ABCA13: variants seen among roughly 807,000 people sequenced by gnomAD.
ABCA13 encodes the protein ATP-binding cassette sub-family A member 13.
A neutral mutation model predicts 478.7 loss-of-function variants in ABCA13; 476 were observed. That is an observed-to-expected ratio of 0.99 (90% CI 0.92 to 1.07). The LOEUF is 1.07. ABCA13 is among the 50% of genes least tolerant of loss of function. The probability of loss-of-function intolerance (pLI) is 0.00; values close to 1 mark genes in which losing one functional copy is unlikely to be tolerated. For synonymous variants in ABCA13, 2,252 were observed against 2,158.9 expected (o/e 1.04, Z -1.20); for missense variants, 6,060 against 5,910.6 (o/e 1.03, Z -0.83).
At chr7:48,443,460 C>T (rs1157273491) in intron 42 of ABCA13, among the ~76,000 whole-genome samples, 1 of 152,226 alleles carries the variant, frequency 6.6e-6, no homozygotes, top group African/African-American at 2.4e-5. Flanking sequence ...TACACCATCC[C>T]TCCTCTGGAA....
intron 47 of ABCA13, among the ~76,000 whole-genome samples, chr7:48,484,441 C>T (rs1222698275): frequency 1.3e-5 from 2 of 152,312 alleles, no homozygotes; most frequent in Admixed American, 6.5e-5. Flanking sequence ...TATTGGAATA[C>T]ATTATGTGGC....
chr7:48,558,176 TTCCTC>T (rs1786055445), intron 55 of ABCA13, among the ~76,000 whole-genome samples: 4 of 73,854 alleles, frequency 5.4e-5, no homozygotes, highest in African/African-American at 2.4e-4. Flanking sequence ...CCTCCCTCCC[TTCCTC>T]CCTTCCTTCC....
At chr7:48,445,339 A>C (rs1824156563) in intron 42 of ABCA13, among the ~76,000 whole-genome samples, 1 of 152,140 alleles carries the variant, frequency 6.6e-6, no homozygotes, top group African/African-American at 2.4e-5. Flanking sequence ...GTATTTGATC[A>C]CATTATTCTC....
chr7:48,461,003 A>T (rs1322650106), intron 43 of ABCA13, among the ~76,000 whole-genome samples: 2 of 152,232 alleles, frequency 1.3e-5, no homozygotes, highest in African/African-American at 4.8e-5. Flanking sequence ...TGTATGTGGC[A>T]TCTTTATCAC....
At chr7:48,244,544 A>T (rs1379532644) in intron 10 of ABCA13, 32 bp from the exon 11 acceptor site, 2 of 1,597,932 alleles carry the variant, frequency 1.3e-6, no homozygotes, top group Admixed American at 1.7e-5. Context: ...ACTACTTTTC[A>T]TTTTATTTCA....
chr7:48,190,203 T>G lies in ABCA13; in HGVS notation c.70-2756T>G, dbSNP rs1796908562. Among the ~76,000 whole-genome samples the G allele has an allele frequency of 1.3e-5, 2 of 152,262 alleles. 1 individual carries two copies. The highest frequency in any genetic ancestry group is 4.1e-4 in the South Asian group (2 of 4,824). ...ATCCACATTAAAAATCATATACACT[T>G]CAGTGCAGTAATCCCATTTGGCAAT... On this transcript the variant is annotated intron_variant, in intron 1 of 61. Coordinates refer to ENST00000435803, the MANE Select transcript of ABCA13 (RefSeq NM_152701.5).
intron 29 of ABCA13, among the ~76,000 whole-genome samples, chr7:48,342,230 A>T (rs867364366): frequency 3.3e-5 from 5 of 152,034 alleles, no homozygotes; most frequent in Middle Eastern, 3.4e-3. Context: ...ATTTATGGAG[A>T]CTCACTCAAT....
intron 59 of ABCA13, among the ~76,000 whole-genome samples, chr7:48,633,913 T>C (rs1221216858): frequency 7.2e-6 from 1 of 137,936 alleles, no homozygotes; most frequent in African/African-American, 2.8e-5. Flanking sequence ...GGTAGATAGA[T>C]ACATAGATAG....
In ABCA13 at chr7:48,506,409, G is replaced by A; in HGVS notation, c.13346+19G>A. Reference sequence around the variant, plus strand: ...ACAAGATGTGAGTTGATGGAATGCTGAGGGGTGTGTGACCCTGACTATGGA... The same window carrying A: ...ACAAGATGTGAGTTGATGGAATGCTAAGGGGTGTGTGACCCTGACTATGGA... On this transcript the variant is annotated intron_variant, in intron 49 of 61. Transcript: ENST00000435803. 2 of 1,612,938 alleles carry A rather than the reference G, an allele frequency of 1.2e-6. No homozygotes were observed. The highest frequency in any genetic ancestry group is 2.2e-5 in the East Asian group (1 of 44,838).
chr7:48,505,424 C>T (rs770099763), intron 48 of ABCA13, among the ~76,000 whole-genome samples: 25 of 151,766 alleles, frequency 1.6e-4, no homozygotes, highest in South Asian at 4.2e-4. Context: ...AAGATAATAC[C>T]GATAAGATGA....
At chr7:48,425,449 A>T (rs547172859) in intron 41 of ABCA13, among the ~76,000 whole-genome samples, 2 of 152,350 alleles carry the variant, frequency 1.3e-5, no homozygotes, top group South Asian at 4.1e-4. Context: ...GATTTTCACT[A>T]TTTCTATTGT....
At chr7:48,171,857 G>A (rs1052872397) in intron 1 of ABCA13, among the ~76,000 whole-genome samples, 2 of 152,174 alleles carry the variant, frequency 1.3e-5, no homozygotes, top group African/African-American at 4.8e-5. Context: ...CTAAGCATTC[G>A]TTGTAAAAAC....
chr7:48,418,944 T>C (rs1276308962), intron 41 of ABCA13, among the ~76,000 whole-genome samples: 19 of 152,174 alleles, frequency 1.2e-4, no homozygotes, highest in Non-Finnish European at 2.4e-4. Flanking sequence ...TGGCTCAAGG[T>C]TCTGCAGGCT....
At position 48,403,765 on chromosome 7, in the gene ABCA13, C is replaced by CT; in HGVS notation, c.11958dup (p.Gly3987TrpfsTer15). The CT allele has an allele frequency of 6.2e-7, 1 of 1,614,004 alleles. No individual in the cohort carries two copies. The highest frequency in any genetic ancestry group is 1.7e-5 in the Admixed American group (1 of 60,024). On this transcript the variant is annotated frameshift_variant, in exon 39 of 62. Transcript: ENST00000435803. LOFTEE classifies it high-confidence loss of function. ...TGGAGGCCTGAAGAGGAAGCTCTCCCTTGGCATTGCTTTCATGGGCATGTC... is the reference window on the plus strand; with the variant it reads ...TGGAGGCCTGAAGAGGAAGCTCTCCCTTTGGCATTGCTTTCATGGGCATGTC...
At chr7:48,395,704 T>G (rs967682454) in intron 38 of ABCA13, among the ~76,000 whole-genome samples, 2 of 152,206 alleles carry the variant, frequency 1.3e-5, no homozygotes, top group Non-Finnish European at 2.9e-5. Flanking sequence ...TAAATATAGT[T>G]TCTCTTCTTT....
At chr7:48,529,948 A>G (rs1223974163) in intron 55 of ABCA13, among the ~76,000 whole-genome samples, 1 of 152,078 alleles carries the variant, frequency 6.6e-6, no homozygotes, top group Non-Finnish European at 1.5e-5. Flanking sequence ...TTTTTGGGGA[A>G]CAGGTGGTGT....
intron 27 of ABCA13, among the ~76,000 whole-genome samples, chr7:48,329,468 G>A (rs1361162006): frequency 6.6e-6 from 1 of 152,174 alleles, no homozygotes; most frequent in Non-Finnish European, 1.5e-5. Context: ...TAAATGCCCT[G>A]TCTAGCCATG....
At chr7:48,502,814 G>C (rs1563361160) in intron 48 of ABCA13, among the ~76,000 whole-genome samples, 1 of 152,122 alleles carries the variant, frequency 6.6e-6, no homozygotes. Context: ...GTCCTAAATA[G>C]CATACAGCAC....
chr7:48,506,425 T>C (rs1831215091), intron 49 of ABCA13, 35 bp downstream of exon 49: 1 of 1,606,608 alleles, frequency 6.2e-7, no homozygotes, highest in Middle Eastern at 1.7e-4. Flanking sequence ...TGTGTGACCC[T>C]GACTATGGAA....
Sources: gnomAD v4.1 joint callset for allele counts (sites outside exome capture counted in the v4.1 genomes callset) on GRCh38, gnomAD v4.1.1 for gene constraint, MANE v1.5 for transcripts, NCBI Gene and HGNC (gene_info 2026-07-23, HGNC 2026-07-21) for gene names.